The following NCALD variants were observed in gnomAD, a reference collection of about 807,000 sequenced individuals.
NCALD encodes the protein neurocalcin-delta.
Under a neutral mutation model 18.6 loss-of-function variants are expected in NCALD, and 10 were observed. The observed-to-expected ratio is 0.54, with a 90% CI of 0.33 to 0.91. The LOEUF (loss-of-function observed/expected upper bound fraction) is 0.91. NCALD is among the 40% of genes least tolerant of loss of function. The pLI, the probability that NCALD is intolerant of heterozygous loss-of-function variation, is 0.03. For missense variants in NCALD, 184 were observed against 247.6 expected, an observed-to-expected ratio of 0.74 and a Z score of 1.72; for synonymous variants, 88 against 87.4, an observed-to-expected ratio of 1.01 and a Z score of -0.04.
intron 4 of NCALD, among the ~76,000 whole-genome samples, chr8:101,821,323 T>G (rs1298836959): frequency 6.6e-6 from 1 of 152,236 alleles, no homozygotes; most frequent in Admixed American, 6.5e-5. Flanking sequence ...ATTTATCATA[T>G]GCTCACCATA....
At chr8:102,069,692 A>G (rs1824119616) in intron 1 of NCALD, among the ~76,000 whole-genome samples, 1 of 152,258 alleles carries the variant, frequency 6.6e-6, no homozygotes, top group Non-Finnish European at 1.5e-5. Flanking sequence ...AGAAATCCTA[A>G]GTAGCTATTA....
At chr8:101,728,255 G>A (rs1816660781) in intron 1 of NCALD, among the ~76,000 whole-genome samples, 2 of 152,188 alleles carry the variant, frequency 1.3e-5, no homozygotes, top group African/African-American at 4.8e-5. Context: ...TATTCGTGGA[G>A]GGAAAGATTT....
chr8:101,890,800 C>G (rs917068420), intron 3 of NCALD, among the ~76,000 whole-genome samples: 2 of 152,190 alleles, frequency 1.3e-5, no homozygotes, highest in African/African-American at 4.8e-5. Flanking sequence ...GCAGTACAGA[C>G]AGACTGAGAC....
chr8:101,688,725 G>A lies in NCALD; in HGVS notation c.*584C>T, dbSNP rs1251076560. 4.0e-6 allele frequency: 2 copies of A among 501,930 alleles called. No individual in the cohort carries two copies. The highest frequency in any genetic ancestry group is 3.8e-5 in the African/African-American group (2 of 52,022). The allele number at this position is 501,930 out of a possible 1,614,324, so 31.1% of individuals were successfully genotyped here. On this transcript the variant is annotated 3_prime_UTR_variant, in exon 4 of 4. Transcript: ENST00000220931. The stretch of plus-strand genomic sequence containing the variant: ...CTGAGCCATCTTTTTCCTCTCCTCT[G>A]TTAATTTATCTTGAAATGTTCACAG...
At chr8:102,091,575 C>T (rs187210950) in intron 1 of NCALD, among the ~76,000 whole-genome samples, 1 of 152,146 alleles carries the variant, frequency 6.6e-6, no homozygotes, top group African/African-American at 2.4e-5. Context: ...TCATGGAAAG[C>T]CTTCTTATTT....
In NCALD at chr8:101,741,890, T is replaced by C. The variant is rs1018575895; in HGVS notation, c.-19-22242A>G. ...AGGTCAAGGCTGCAGCAAGCCATGA[T>C]GGCACCACTGCACTCCAGCCTTGGC... On this transcript the variant is annotated intron_variant, in intron 1 of 3. Transcript: ENST00000220931. 1.9e-4 allele frequency among the ~76,000 whole-genome samples: 25 copies of C among 132,938 alleles called. 1 individual carries two copies. In the Admixed American group the frequency reaches 2.2e-3, roughly 12 times the overall value. 87.2% of individuals were successfully genotyped at this position (132,938 alleles called of 152,430 possible).
intron 4 of NCALD, among the ~76,000 whole-genome samples, chr8:101,848,202 G>C (rs1278933865): frequency 1.3e-5 from 2 of 152,124 alleles, no homozygotes; most frequent in East Asian, 3.9e-4. Flanking sequence ...AAGTTGTAGA[G>C]AGCTCAGAGG....
At chr8:101,741,873 G>A (rs1421883687) in intron 1 of NCALD, among the ~76,000 whole-genome samples, 1 of 145,848 alleles carries the variant, frequency 6.9e-6, no homozygotes, top group African/African-American at 2.5e-5. Flanking sequence ...GGAGGTCAAG[G>A]CTGCAGCAAG....
chr8:102,037,567 G>A (rs909772823), intron 1 of NCALD, among the ~76,000 whole-genome samples: 6 of 152,168 alleles, frequency 3.9e-5, no homozygotes, highest in East Asian at 1.9e-4. Flanking sequence ...ATCTCCTAGA[G>A]ATATAAATAG....
At chr8:101,745,169 T>C (rs772135126) in intron 1 of NCALD, among the ~76,000 whole-genome samples, 2 of 152,138 alleles carry the variant, frequency 1.3e-5, no homozygotes, top group Non-Finnish European at 2.9e-5. Flanking sequence ...CTATTATGCA[T>C]GCTCCACCAT....
At chr8:101,753,969 G>A (rs1810768175) in intron 1 of NCALD, among the ~76,000 whole-genome samples, 1 of 152,130 alleles carries the variant, frequency 6.6e-6, no homozygotes, top group South Asian at 2.1e-4. Context: ...TAATAAATAG[G>A]AAAAGAGAAG....
chr8:101,949,223 G>A (rs1167044247), intron 2 of NCALD, among the ~76,000 whole-genome samples: 1 of 152,128 alleles, frequency 6.6e-6, no homozygotes, highest in East Asian at 1.9e-4. Flanking sequence ...ACAATCCTGT[G>A]AGGAAAGAGA....
intron 1 of NCALD, among the ~76,000 whole-genome samples, chr8:102,057,081 A>C (rs1823677357): frequency 6.6e-6 from 1 of 151,932 alleles, no homozygotes; most frequent in East Asian, 1.9e-4. Context: ...AGTGACCTGC[A>C]AAGCCTTTTG....
chr8:102,098,042 C>T (rs1009076134), intron 1 of NCALD, among the ~76,000 whole-genome samples: 1 of 152,172 alleles, frequency 6.6e-6, no homozygotes, highest in Non-Finnish European at 1.5e-5. Flanking sequence ...TGGCATGAGG[C>T]AGTAAAATAA....
intron 1 of NCALD, among the ~76,000 whole-genome samples, chr8:101,732,476 T>C (rs1816878329): frequency 6.6e-6 from 1 of 152,060 alleles, no homozygotes; most frequent in South Asian, 2.1e-4. Context: ...GTTTAACATC[T>C]ACAGCTTCCT....
intron 2 of NCALD, among the ~76,000 whole-genome samples, chr8:102,003,728 G>A (rs1400815855): frequency 3.3e-5 from 5 of 152,120 alleles, no homozygotes; most frequent in Admixed American, 6.5e-5. Flanking sequence ...TTCAACATAC[G>A]CAAATCAATA....
At chr8:101,943,195 C>CA (rs146419279) in intron 2 of NCALD, among the ~76,000 whole-genome samples, 6,305 of 152,082 alleles carry the variant, frequency 0.041, 308 homozygotes, top group African/African-American at 0.11. Context: ...AAGCAGGTGG[C>CA]AAAAAAGAGA....
chr8:101,988,154 C>CAAAAAA (rs141735735), intron 2 of NCALD, among the ~76,000 whole-genome samples: 4 of 37,142 alleles, frequency 1.1e-4, no homozygotes, highest in Admixed American at 3.0e-4. Flanking sequence ...GACTCCGTCT[C>CAAAAAA]AAAAAAAAAA....
At chr8:101,822,166 G>A (rs1813748626) in intron 4 of NCALD, among the ~76,000 whole-genome samples, 1 of 152,098 alleles carries the variant, frequency 6.6e-6, no homozygotes, top group Non-Finnish European at 1.5e-5. Flanking sequence ...AACAAATTAT[G>A]GAAGACAAAT....
Sources: gnomAD v4.1 joint callset for allele counts (sites outside exome capture counted in the v4.1 genomes callset) on GRCh38, gnomAD v4.1.1 for gene constraint, MANE v1.5 for transcripts, NCBI Gene and HGNC (gene_info 2026-07-23, HGNC 2026-07-21) for gene names.